The following TMTC1 variants were observed in gnomAD, a reference collection of about 807,000 sequenced individuals.
The protein encoded by TMTC1 is protein O-mannosyl-transferase TMTC1.
Under a neutral mutation model 104.8 loss-of-function variants are expected in TMTC1, and 73 were observed. That is an observed-to-expected ratio of 0.70 (90% confidence interval 0.58 to 0.85). The LOEUF (loss-of-function observed/expected upper bound fraction) is 0.85. Among genes scored for constraint, TMTC1 ranks in the 40% least tolerant of loss-of-function variants. The probability of loss-of-function intolerance (pLI) is 0.00; values close to 1 mark genes in which losing one functional copy is unlikely to be tolerated. For missense variants in TMTC1, 1,035 were observed against 1,096.1 expected (o/e 0.94, Z 0.79); for synonymous variants, 434 against 428.7 (o/e 1.01, Z -0.15).
chr12:29,774,366 A>G (rs1471865397), intron 1 of TMTC1, among the ~76,000 whole-genome samples: 1 of 152,230 alleles, frequency 6.6e-6, no homozygotes, highest in Non-Finnish European at 1.5e-5. Flanking sequence ...GAAGGCTGCT[A>G]GTATTGCCCA....
chr12:29,620,941 C>T (rs545586001), intron 6 of TMTC1, among the ~76,000 whole-genome samples: 15 of 152,244 alleles, frequency 9.9e-5, no homozygotes, highest in African/African-American at 2.6e-4. Flanking sequence ...TCAGAAGGAC[C>T]GTGGCAAGGC....
intron 5 of TMTC1, among the ~76,000 whole-genome samples, chr12:29,682,449 A>T (rs1940951659): frequency 6.6e-6 from 1 of 152,232 alleles, no homozygotes; most frequent in Admixed American, 6.5e-5. Flanking sequence ...TGGCAGCTTT[A>T]GTTGTAATAG....
intron 5 of TMTC1, among the ~76,000 whole-genome samples, chr12:29,728,219 G>A (rs997601980): frequency 6.6e-6 from 1 of 152,008 alleles, no homozygotes; most frequent in African/African-American, 2.4e-5. Context: ...AGAAGGGAGC[G>A]GAGCCAGATG....
At chr12:29,698,295 C>T (rs1941483631) in intron 5 of TMTC1, among the ~76,000 whole-genome samples, 1 of 152,180 alleles carries the variant, frequency 6.6e-6, no homozygotes, top group South Asian at 2.1e-4. Flanking sequence ...CCCACTTCCC[C>T]TTGCCCTATG....
intron 5 of TMTC1, among the ~76,000 whole-genome samples, chr12:29,723,685 G>A (rs1942301565): frequency 1.3e-5 from 2 of 152,042 alleles, no homozygotes; most frequent in Admixed American, 1.3e-4. Flanking sequence ...ACAAGCCAGG[G>A]AAACAAAGCA....
At chr12:29,672,721 C>T (rs1393334349) in intron 5 of TMTC1, among the ~76,000 whole-genome samples, 4 of 152,190 alleles carry the variant, frequency 2.6e-5, no homozygotes, top group African/African-American at 9.7e-5. Context: ...CTCAGACACA[C>T]GTACACACTG....
At chr12:29,612,970 TAAA>T (rs1185333138) in intron 6 of TMTC1, among the ~76,000 whole-genome samples, 2 of 152,226 alleles carry the variant, frequency 1.3e-5, no homozygotes, top group African/African-American at 4.8e-5. Context: ...GTTCAATGAA[TAAA>T]TTAAGTGGAC....
At chr12:29,608,778 T>C (rs1946768888) in intron 6 of TMTC1, among the ~76,000 whole-genome samples, 1 of 151,972 alleles carries the variant, frequency 6.6e-6, no homozygotes, top group Non-Finnish European at 1.5e-5. Flanking sequence ...TCGGCACAAA[T>C]ACACATCAGG....
At chr12:29,690,487 C>G (rs75175894) in intron 5 of TMTC1, among the ~76,000 whole-genome samples, 21,071 of 152,082 alleles carry the variant, frequency 0.14, 1,746 homozygotes, top group East Asian at 0.34. Context: ...GGGACTAATG[C>G]AAATGGAAAT....
At chr12:29,581,170 A>G (rs188837274) in intron 8 of TMTC1, among the ~76,000 whole-genome samples, 146 of 152,250 alleles carry the variant, frequency 9.6e-4, no homozygotes, top group African/African-American at 3.1e-3. Context: ...GCACCCAACC[A>G]CTAACCTTAA....
intron 5 of TMTC1, among the ~76,000 whole-genome samples, chr12:29,651,256 T>C (rs140916011): frequency 1.8e-3 from 279 of 152,304 alleles, no homozygotes; most frequent in African/African-American, 6.6e-3. Flanking sequence ...AGCCATATCA[T>C]TTAGAGATAT....
chr12:29,625,136 T>G lies in TMTC1; in HGVS notation c.1128+8011A>C, dbSNP rs542888517. ...TATTCCAGGTGGACCGACCTGTGCT[T>G]ATTCTGCTGACATTATTATAAACAT... On this transcript the variant is annotated intron_variant, in intron 6 of 17. Transcript: ENST00000539277. Among the ~76,000 whole-genome samples, 3 of 152,368 alleles carry G rather than the reference T, an allele frequency of 2.0e-5. No homozygotes were observed. The East Asian group carries it at 5.8e-4, about 29-fold the overall frequency.
rs1339088707 is a variant in TMTC1, at chr12:29,518,471, C to T, written c.2024+1G>A. On this transcript the variant is annotated splice_donor_variant, in intron 13 of 17. Transcript: ENST00000539277. LOFTEE classifies it high-confidence loss of function. Reference sequence around the variant, plus strand: ...TATAAAGAAAAGAAAGGGAACTTTACCGCTTGTACCATTCTTCAGCCATGC... The same window carrying T: ...TATAAAGAAAAGAAAGGGAACTTTATCGCTTGTACCATTCTTCAGCCATGC... The T allele has an allele frequency of 2.5e-6, 4 of 1,611,608 alleles. No homozygotes were observed. The highest frequency in any genetic ancestry group is 2.7e-5 in the African/African-American group (2 of 74,836).
intron 5 of TMTC1, among the ~76,000 whole-genome samples, chr12:29,730,082 T>TG (rs1481859377): frequency 6.6e-6 from 1 of 152,154 alleles, no homozygotes; most frequent in Non-Finnish European, 1.5e-5. Flanking sequence ...CTCTGAGCCT[T>TG]TGCAGAAGGG....
intron 5 of TMTC1, among the ~76,000 whole-genome samples, chr12:29,739,965 C>T (rs188294255): frequency 1.1e-4 from 17 of 152,054 alleles, no homozygotes; most frequent in African/African-American, 3.9e-4. Context: ...CTCAGCCTCC[C>T]GAAGTGCTGG....
chr12:29,659,483 G>A (rs1939913552), intron 5 of TMTC1, among the ~76,000 whole-genome samples: 1 of 152,140 alleles, frequency 6.6e-6, no homozygotes, highest in Non-Finnish European at 1.5e-5. Context: ...ACTGCACACA[G>A]TCAGCTCACC....
chr12:29,767,801 C>T, intron 2 of TMTC1, 97 bp downstream of exon 2: 3 of 1,099,368 alleles, frequency 2.7e-6, no homozygotes, highest in East Asian at 5.1e-5. Flanking sequence ...CATATACACA[C>T]ATATTTACAT....
chr12:29,625,326 C>G (rs1034361311), intron 6 of TMTC1, among the ~76,000 whole-genome samples: 44 of 152,288 alleles, frequency 2.9e-4, no homozygotes, highest in African/African-American at 1.0e-3. Flanking sequence ...ATTCCCACTT[C>G]GAGAGGTTAC....
At position 29,706,249 on chromosome 12, in the gene TMTC1, A is replaced by G. The variant is rs552364434; in HGVS notation, c.938+45417T>C. ...TCCTTGAGAGGCTGAATTCTGACCC[A>G]GCTATGCAGGAAGAGGAAGGTTTAG... On this transcript the variant is annotated intron_variant, in intron 5 of 17. Coordinates refer to ENST00000539277, the MANE Select transcript of TMTC1 (RefSeq NM_001193451.2). Among the ~76,000 whole-genome samples, 7 of 152,334 alleles carry G rather than the reference A, an allele frequency of 4.6e-5. No homozygotes were observed. In the East Asian group the frequency reaches 1.4e-3, roughly 29 times the overall value.
Sources: gnomAD v4.1 joint callset for allele counts (sites outside exome capture counted in the v4.1 genomes callset) on GRCh38, gnomAD v4.1.1 for gene constraint, MANE v1.5 for transcripts, NCBI Gene and HGNC (gene_info 2026-07-23, HGNC 2026-07-21) for gene names.